The following DSCAM variants were observed in gnomAD, a reference collection of about 807,000 sequenced individuals.
DSCAM encodes the protein DS cell adhesion molecule.
In DSCAM, 47 loss-of-function variants were observed where a neutral mutation model predicts 217.7. The ratio of observed to expected loss-of-function variants is 0.22; its 90% CI spans 0.17 to 0.28. The LOEUF (loss-of-function observed/expected upper bound fraction) is 0.28. Ranked by LOEUF, DSCAM falls within the 10% of genes least tolerant of loss-of-function variation. The pLI is 1.00. For synonymous variants in DSCAM, 1,056 were observed against 1,015.3 expected (o/e 1.04, Z -0.76); for missense variants, 2,080 against 2,618.3 (o/e 0.79, Z 4.49).
At chr21:40,811,181 T>C (rs1264357932) in intron 1 of DSCAM, among the ~76,000 whole-genome samples, 3 of 152,206 alleles carry the variant, frequency 2.0e-5, no homozygotes, top group African/African-American at 4.8e-5. Flanking sequence ...TCCAATGTCA[T>C]CACTTTCATG....
intron 9 of DSCAM, among the ~76,000 whole-genome samples, chr21:40,308,645 C>A (rs549494177): frequency 1.1e-3 from 171 of 152,268 alleles, no homozygotes; most frequent in Non-Finnish European, 2.1e-3. Flanking sequence ...TTGGGCTCTG[C>A]ACTCTCTGTC....
At chr21:40,685,115 C>G (rs531179351) in intron 3 of DSCAM, among the ~76,000 whole-genome samples, 2 of 152,296 alleles carry the variant, frequency 1.3e-5, no homozygotes, top group East Asian at 1.9e-4. Context: ...GTACATAAAG[C>G]ATAGATTTTC....
At position 40,679,819 on chromosome 21, in the gene DSCAM, T is replaced by C. The variant is rs531251789; in HGVS notation, c.508+12991A>G. Among the ~76,000 whole-genome samples the C allele has an allele frequency of 3.3e-4, 50 of 152,338 alleles. 1 individual carries two copies. In the South Asian group the frequency reaches 0.01, roughly 32 times the overall value. ...GCATTCTAATGCTTTTATGTTGAAA[T>C]TGAAGGATTTTGGATTATTTCCCCA... On this transcript the variant is annotated intron_variant, in intron 3 of 32. Transcript: ENST00000400454.
intron 28 of DSCAM, among the ~76,000 whole-genome samples, chr21:40,060,583 T>TGGGGA (rs1403878990): frequency 9.1e-6 from 1 of 109,568 alleles, no homozygotes; most frequent in Non-Finnish European, 1.9e-5. Context: ...GGGGTAGGGG[T>TGGGGA]GGGGGCTGCG....
At chr21:40,281,270 A>G (rs528766693) in intron 10 of DSCAM, among the ~76,000 whole-genome samples, 1 of 152,242 alleles carries the variant, frequency 6.6e-6, no homozygotes, top group Non-Finnish European at 1.5e-5. Flanking sequence ...GGATGGTAGA[A>G]GCACTGAAGT....
At position 40,789,844 on chromosome 21, in the gene DSCAM, C is replaced by A. The variant is rs145091919; in HGVS notation, c.43+56775G>T. Among the ~76,000 whole-genome samples, 9 of 152,230 alleles carry A rather than the reference C, an allele frequency of 5.9e-5. No homozygotes were observed. In the South Asian group the frequency reaches 1.5e-3, roughly 25 times the overall value. On this transcript the variant is annotated intron_variant, in intron 1 of 32. Transcript: ENST00000400454. ...TGCTGGGATTACAGGCGTGAGCCAC[C>A]GTGCCCGGCCTCTGCTGTATTTCTT...
intron 30 of DSCAM, among the ~76,000 whole-genome samples, chr21:40,049,867 C>T (rs1421493263): frequency 6.6e-6 from 1 of 152,152 alleles, no homozygotes; most frequent in African/African-American, 2.4e-5. Flanking sequence ...CTGGGGCTGA[C>T]CATGAAGCTG....
intron 1 of DSCAM, among the ~76,000 whole-genome samples, chr21:40,769,466 G>A (rs1273153497): frequency 6.6e-6 from 1 of 152,172 alleles, no homozygotes; most frequent in African/African-American, 2.4e-5. Flanking sequence ...TGCATGCTGT[G>A]GTGGACACAG....
At chr21:40,332,143 A>C (rs766046958) in intron 8 of DSCAM, among the ~76,000 whole-genome samples, 4 of 152,154 alleles carry the variant, frequency 2.6e-5, no homozygotes, top group Non-Finnish European at 4.4e-5. Flanking sequence ...AACAAATGCT[A>C]TCTCTCTTAA....
intron 17 of DSCAM, among the ~76,000 whole-genome samples, chr21:40,143,320 G>T (rs995538274): frequency 4.6e-5 from 7 of 152,286 alleles, no homozygotes; most frequent in Non-Finnish European, 7.3e-5. Context: ...CAAAATACTG[G>T]CTGAGACACG....
At chr21:40,330,110 C>T (rs2074360449) in intron 8 of DSCAM, among the ~76,000 whole-genome samples, 1 of 151,600 alleles carries the variant, frequency 6.6e-6, no homozygotes, top group South Asian at 2.1e-4. Context: ...TATTTCAAAA[C>T]ATTATACTAT....
intron 3 of DSCAM, among the ~76,000 whole-genome samples, chr21:40,481,530 C>CAAAAAA (rs34586895): frequency 1.7e-5 from 1 of 60,508 alleles, no homozygotes; most frequent in African/African-American, 6.3e-5. Context: ...ACTCTGTCTC[C>CAAAAAA]AAAAAAAAAA....
At chr21:40,147,653 G>C (rs1418700146) in intron 16 of DSCAM, among the ~76,000 whole-genome samples, 2 of 152,110 alleles carry the variant, frequency 1.3e-5, no homozygotes, top group Admixed American at 1.3e-4. Context: ...TTCACATTTT[G>C]ATGCATTTCA....
rs1018225354 is a variant in DSCAM, at chr21:40,035,267, C to A, written c.5686+7104G>T. On this transcript the variant is annotated intron_variant, in intron 32 of 32. Transcript: ENST00000400454. ...CCATCAGTGTGCTGTATTCAGGAAA[C>A]CCATCTCACGTGCAGAGACACACAT... Among the ~76,000 whole-genome samples, 75 of 106,220 alleles carry A rather than the reference C, an allele frequency of 7.1e-4. 11 individuals carry two copies. Among genetic ancestry groups the A allele is most frequent in the African/African-American group, 2.7e-3 (68 of 24,732 alleles). The allele number at this position is 106,220 out of a possible 152,430, so 69.7% of individuals were successfully genotyped here.
chr21:40,516,849 G>A (rs2076303601), intron 3 of DSCAM, among the ~76,000 whole-genome samples: 1 of 150,444 alleles, frequency 6.6e-6, no homozygotes, highest in African/African-American at 2.4e-5. Context: ...TCATTAGACA[G>A]TAGCAAATCC....
At chr21:40,307,245 AAAC>A (rs1470028031) in intron 9 of DSCAM, among the ~76,000 whole-genome samples, 2 of 150,448 alleles carry the variant, frequency 1.3e-5, no homozygotes, top group East Asian at 1.9e-4. Flanking sequence ...AAGAAAAAAA[AAAC>A]AACCCCATCA....
chr21:40,519,757 C>T (rs1489294518), intron 3 of DSCAM, among the ~76,000 whole-genome samples: 2 of 152,134 alleles, frequency 1.3e-5, no homozygotes, highest in Non-Finnish European at 2.9e-5. Flanking sequence ...CTTCCAGCCT[C>T]TTGCTTTGCC....
chr21:40,011,858 C>T lies in DSCAM; in HGVS notation c.*1176G>A, dbSNP rs1340780200. ...AGGAAAAGTCATGGAGGGTAAGATG[C>T]ACGATCTTGCCCCTTGTCACGCAAG... On this transcript the variant is annotated 3_prime_UTR_variant, in exon 33 of 33. Transcript: ENST00000400454. The T allele has an allele frequency of 6.6e-6, 1 of 152,132 alleles. No individual in the cohort carries two copies. Among genetic ancestry groups the T allele is most frequent in the Non-Finnish European group, 1.5e-5 (1 of 68,026 alleles). 9.4% of individuals were successfully genotyped at this position (152,132 alleles called of 1,614,324 possible).
chr21:40,106,208 T>C (rs955415516), intron 20 of DSCAM, among the ~76,000 whole-genome samples: 2 of 152,174 alleles, frequency 1.3e-5, no homozygotes, highest in African/African-American at 4.8e-5. Flanking sequence ...TTCACTATCA[T>C]GAGAACAGCA....
Sources: gnomAD v4.1 joint callset for allele counts (sites outside exome capture counted in the v4.1 genomes callset) on GRCh38, gnomAD v4.1.1 for gene constraint, MANE v1.5 for transcripts, NCBI Gene and HGNC (gene_info 2026-07-23, HGNC 2026-07-21) for gene names.